ZNF516: variants seen among roughly 807,000 people sequenced by gnomAD.
ZNF516 encodes zinc finger protein 516.
In ZNF516, 19 loss-of-function variants were observed where a neutral mutation model predicts 79.7. The observed-to-expected ratio is 0.24, with a 90% CI of 0.17 to 0.35. The LOEUF (loss-of-function observed/expected upper bound fraction) is 0.35. Ranked by LOEUF, ZNF516 falls within the 10% of genes least tolerant of loss-of-function variation. The pLI, the probability that ZNF516 is intolerant of heterozygous loss-of-function variation, is 1.00. For synonymous variants in ZNF516, 877 were observed against 739.5 expected (o/e 1.19, Z -3.02); for missense variants, 1,678 against 1,679.5 (o/e 1.00, Z 0.02).
intron 3 of ZNF516, among the ~76,000 whole-genome samples, chr18:76,435,712 C>T (rs1599084761): frequency 6.6e-6 from 1 of 152,322 alleles, no homozygotes; most frequent in South Asian, 2.1e-4. Flanking sequence ...CTCAGAACTC[C>T]GTACAGGGTA....
At chr18:76,464,400 C>T (rs1251157939) in intron 1 of ZNF516, among the ~76,000 whole-genome samples, 1 of 152,170 alleles carries the variant, frequency 6.6e-6, no homozygotes, top group Non-Finnish European at 1.5e-5. Context: ...TCACACATAG[C>T]TTGGCATGAC....
chr18:76,404,477 G>T (rs2075274168), intron 3 of ZNF516, among the ~76,000 whole-genome samples: 1 of 152,004 alleles, frequency 6.6e-6, no homozygotes, highest in African/African-American at 2.4e-5. Flanking sequence ...GTTTGTGCAT[G>T]TGAGCATGTA....
At chr18:76,370,645 G>T in intron 5 of ZNF516, 50 bp from the exon 6 acceptor site, 2 of 1,490,266 alleles carry the variant, frequency 1.3e-6, no homozygotes, top group Non-Finnish European at 1.8e-6. Context: ...GCTTCCGGAC[G>T]TGCACATTAA....
intron 2 of ZNF516, among the ~76,000 whole-genome samples, chr18:76,458,319 T>C (rs1417075599): frequency 6.6e-6 from 1 of 152,222 alleles, no homozygotes; most frequent in Non-Finnish European, 1.5e-5. Flanking sequence ...GGACCCGCAG[T>C]GCATGGAGCT....
intron 2 of ZNF516, among the ~76,000 whole-genome samples, chr18:76,458,504 G>A (rs1057227637): frequency 1.3e-5 from 2 of 152,194 alleles, no homozygotes; most frequent in Admixed American, 6.5e-5. Context: ...CAGATGTTTC[G>A]GGGGGCATTT....
Position 76,358,202 on chromosome 18 carries a change from G to A in ZNF516, c.*4296C>T, listed in dbSNP as rs1375105970. On this transcript the variant is annotated 3_prime_UTR_variant, in exon 7 of 7. Coordinates refer to ENST00000443185, the MANE Select transcript of ZNF516 (RefSeq NM_014643.4). Reference sequence around the variant, plus strand: ...TGTCTTACAAATCTCAGAACTCCAAGATGTTTTTATTTATTTCAAATTCCA... The same window carrying A: ...TGTCTTACAAATCTCAGAACTCCAAAATGTTTTTATTTATTTCAAATTCCA... 6.6e-6 allele frequency: 1 copy of A among 152,096 alleles called. No individual in the cohort carries two copies. Among genetic ancestry groups the A allele is most frequent in the Non-Finnish European group, 1.5e-5 (1 of 68,026 alleles). The allele number at this position is 152,096 out of a possible 1,614,324, so 9.4% of individuals were successfully genotyped here. A position where few individuals can be genotyped will look rare whatever the true frequency, so the allele number is the denominator to read the frequency against.
chr18:76,488,938 AAT>A (rs1461161931), intron 1 of ZNF516, among the ~76,000 whole-genome samples: 3 of 152,232 alleles, frequency 2.0e-5, no homozygotes, highest in Non-Finnish European at 4.4e-5. Context: ...CCTAAATCAA[AAT>A]AGAGTAAAAA....
intron 1 of ZNF516, among the ~76,000 whole-genome samples, chr18:76,489,926 A>G (rs78743713): frequency 0.013 from 1,966 of 152,298 alleles, 66 homozygotes; most frequent in East Asian, 0.12. Context: ...CATTCTAGCG[A>G]GGCATCCCCA....
At chr18:76,468,315 T>C (rs895845373) in intron 1 of ZNF516, among the ~76,000 whole-genome samples, 1 of 152,176 alleles carries the variant, frequency 6.6e-6, no homozygotes, top group Non-Finnish European at 1.5e-5. Context: ...AAGTCCAAGC[T>C]TGTCCAACCC....
Position 76,358,377 on chromosome 18 carries a change from G to GA in ZNF516, c.*4120dup, listed in dbSNP as rs761668488. 3 of 152,142 alleles carry GA rather than the reference G, an allele frequency of 2.0e-5. No individual in the cohort carries two copies. The South Asian group carries it at 6.2e-4, about 32-fold the overall frequency. 9.4% of individuals were successfully genotyped at this position (152,142 alleles called of 1,614,324 possible). On this transcript the variant is annotated 3_prime_UTR_variant, in exon 7 of 7. Transcript: ENST00000443185. ...TGTTATAAATTGTATTTTAAAAAAA[G>GA]AAATACAAATTCTATGGTCTTTTGC...
At chr18:76,472,024 T>C (rs117027924) in intron 1 of ZNF516, among the ~76,000 whole-genome samples, 283 of 152,226 alleles carry the variant, frequency 1.9e-3, no homozygotes, top group Non-Finnish European at 2.8e-3. Context: ...ATGAACCAAG[T>C]CAGAATCACG....
At chr18:76,362,738 A>G (rs1185012484) in intron 6 of ZNF516, among the ~76,000 whole-genome samples, 181 bp from the exon 7 acceptor site, 1 of 152,238 alleles carries the variant, frequency 6.6e-6, no homozygotes, top group African/African-American at 2.4e-5. Flanking sequence ...TCATAAAATG[A>G]GCAGCAAGTA....
intron 2 of ZNF516, among the ~76,000 whole-genome samples, chr18:76,447,557 T>G (rs9319648): frequency 1.4e-4 from 21 of 152,290 alleles, no homozygotes; most frequent in African/African-American, 4.6e-4. Flanking sequence ...CTTGTGCATG[T>G]GAGCCTGCCA....
At position 76,493,329 on chromosome 18, in the gene ZNF516, G is replaced by A. The variant is rs1002392266; in HGVS notation, c.-272+1815C>T. On this transcript the variant is annotated intron_variant, in intron 1 of 6. Transcript: ENST00000443185. The surrounding 1 kb of genome is among the most constrained non-coding windows in gnomAD (Gnocchi z 5.2). ...AGAAGGAGGGGTCATTCCGCGGGGG[G>A]CGGGGGGGGGGGCGGGGGCCGACGC... The A allele has an allele frequency of 8.8e-6, 1 of 113,124 alleles. No individual in the cohort carries two copies. Among genetic ancestry groups the A allele is most frequent in the African/African-American group, 3.6e-5 (1 of 28,020 alleles). The allele number at this position is 113,124 out of a possible 1,614,324, so 7.0% of individuals were successfully genotyped here.
chr18:76,490,118 C>T (rs1915076595), intron 1 of ZNF516: 2 of 978,762 alleles, frequency 2.0e-6, no homozygotes, highest in Non-Finnish European at 1.2e-6. Context: ...AATTCAATTA[C>T]CAAAATATTT....
intron 1 of ZNF516, among the ~76,000 whole-genome samples, chr18:76,468,228 T>C (rs1913608682): frequency 1.3e-5 from 2 of 152,230 alleles, no homozygotes; most frequent in Admixed American, 6.5e-5. Context: ...GGCAGTGTCC[T>C]ACAATACTTG....
At chr18:76,414,405 G>A (rs2075407776) in intron 3 of ZNF516, among the ~76,000 whole-genome samples, 1 of 152,130 alleles carries the variant, frequency 6.6e-6, no homozygotes, top group Non-Finnish European at 1.5e-5. Context: ...GTAATATAAT[G>A]TCTTACAATT....
At chr18:76,450,567 G>A (rs1465801440) in intron 2 of ZNF516, among the ~76,000 whole-genome samples, 2 of 152,062 alleles carry the variant, frequency 1.3e-5, no homozygotes, top group African/African-American at 2.4e-5. Flanking sequence ...ACCCACCCAC[G>A]GGCTCCAGTT....
At chr18:76,376,529 C>T (rs1476070280) in intron 4 of ZNF516, among the ~76,000 whole-genome samples, 5 of 71,102 alleles carry the variant, frequency 7.0e-5, no homozygotes, top group Admixed American at 1.7e-4. Flanking sequence ...TAACCTCTCT[C>T]TTTCAAAAAA....
Sources: allele counts gnomAD v4.1 joint callset (sites outside exome capture counted in the v4.1 genomes callset), GRCh38; gene constraint gnomAD v4.1.1; non-coding constraint Gnocchi (gnomAD v3.1); transcripts MANE v1.5; gene names NCBI Gene and HGNC (gene_info 2026-07-23, HGNC 2026-07-21).